Variants in SYN3 observed in about 807,000 individuals in gnomAD.
The protein encoded by SYN3 is synapsin III, also known as synapsin-3.
Under a neutral mutation model 65.8 loss-of-function variants are expected in SYN3, and 35 were observed. The ratio of observed to expected loss-of-function variants is 0.53; its 90% CI spans 0.41 to 0.70. SYN3 has a LOEUF of 0.70. Among genes scored for constraint, SYN3 ranks in the 30% least tolerant of loss-of-function variants. The pLI is 0.00. For synonymous variants in SYN3, 270 were observed against 292.9 expected (o/e 0.92, Z 0.80); for missense variants, 680 against 749.0 (o/e 0.91, Z 1.08).
intron 12 of SYN3, among the ~76,000 whole-genome samples, chr22:32,525,773 G>A (rs1352899025): frequency 2.0e-5 from 3 of 151,936 alleles, no homozygotes; most frequent in South Asian, 2.1e-4. Context: ...AGAATATTAC[G>A]TAAACTTAGT....
chr22:32,998,767 T>C (rs1410765756), intron 2 of SYN3, among the ~76,000 whole-genome samples: 1 of 40,536 alleles, frequency 2.5e-5, no homozygotes, highest in African/African-American at 1.3e-4. Context: ...GTACATTCTA[T>C]AGAAATAGTA....
chr22:32,829,528 C>T (rs955331218), intron 6 of SYN3, among the ~76,000 whole-genome samples: 1 of 152,262 alleles, frequency 6.6e-6, no homozygotes, highest in Non-Finnish European at 1.5e-5. Context: ...CCAGCATCCC[C>T]ACCGCAGCAG....
At chr22:32,849,359 G>C (rs973314520) in intron 6 of SYN3, 8 of 1,056,072 alleles carry the variant, frequency 7.6e-6, no homozygotes, top group Admixed American at 2.0e-5. Context: ...GCAATTCCAG[G>C]CTCCACAGAG....
chr22:32,537,058 C>G (rs2058177653), intron 9 of SYN3, among the ~76,000 whole-genome samples: 2 of 152,286 alleles, frequency 1.3e-5, no homozygotes, highest in East Asian at 3.9e-4. Flanking sequence ...CATGCTCTGT[C>G]CATTGCTATT....
intron 6 of SYN3, among the ~76,000 whole-genome samples, chr22:32,658,047 T>C (rs2060166353): frequency 6.6e-6 from 1 of 152,148 alleles, no homozygotes; most frequent in African/African-American, 2.4e-5. Flanking sequence ...TGTTAAAGCC[T>C]CTGGGATGGA....
At chr22:32,977,680 G>A (rs945934727) in intron 3 of SYN3, among the ~76,000 whole-genome samples, 7 of 149,828 alleles carry the variant, frequency 4.7e-5, no homozygotes, top group Non-Finnish European at 1.0e-4. Flanking sequence ...GGAGGCAGAG[G>A]TTGCAGTGAG....
At chr22:32,936,394 T>C (rs928395306) in intron 3 of SYN3, among the ~76,000 whole-genome samples, 3 of 152,180 alleles carry the variant, frequency 2.0e-5, no homozygotes, top group African/African-American at 7.2e-5. Flanking sequence ...TCAGTTTCAC[T>C]GAGTTAAGGA....
At position 32,560,063 on chromosome 22, in the gene SYN3, C is replaced by T. The variant is rs142833579; in HGVS notation, c.775-18350G>A. Among the ~76,000 whole-genome samples the T allele has an allele frequency of 8.4e-4, 128 of 152,360 alleles. 1 individual carries two copies. The highest frequency in any genetic ancestry group is 2.9e-3 in the African/African-American group (120 of 41,596). ...AGTAAACACACTGTGCCTGCAGCCCCTCCCAAGTGCTGGCAGGCCACTGCG... is the reference window on the plus strand; with the variant it reads ...AGTAAACACACTGTGCCTGCAGCCCTTCCCAAGTGCTGGCAGGCCACTGCG... On this transcript the variant is annotated intron_variant, in intron 7 of 13. Transcript: ENST00000358763.
chr22:32,641,463 C>T (rs2059898007), intron 6 of SYN3, among the ~76,000 whole-genome samples: 1 of 151,896 alleles, frequency 6.6e-6, no homozygotes, highest in African/African-American at 2.4e-5. Flanking sequence ...AAAAAATTAG[C>T]TGGGCGTGGT....
intron 6 of SYN3, among the ~76,000 whole-genome samples, chr22:32,644,578 C>G (rs117490594): frequency 0.024 from 3,729 of 152,262 alleles, 66 homozygotes; most frequent in Non-Finnish European, 0.033. Context: ...GATGGACTGA[C>G]GCTCGCACAT....
At chr22:32,810,887 T>G (rs2046898974) in intron 6 of SYN3, among the ~76,000 whole-genome samples, 1 of 152,178 alleles carries the variant, frequency 6.6e-6, no homozygotes, top group South Asian at 2.1e-4. Flanking sequence ...GCTCCCTGCC[T>G]TTTCGATTTG....
intron 1 of SYN3, among the ~76,000 whole-genome samples, chr22:33,007,346 A>G (rs1435537041): frequency 1.3e-5 from 2 of 152,224 alleles, no homozygotes; most frequent in African/African-American, 2.4e-5. Flanking sequence ...AACAGTGATT[A>G]TATTTTGGTA....
intron 6 of SYN3, among the ~76,000 whole-genome samples, chr22:32,844,386 A>C (rs2146212783): frequency 1.3e-5 from 2 of 152,344 alleles, no homozygotes. Context: ...ACTGTGGTCC[A>C]TACTGCTAGA....
chr22:32,550,819 A>AAAATGTAC (rs560831184), intron 7 of SYN3, among the ~76,000 whole-genome samples: 149 of 152,314 alleles, frequency 9.8e-4, no homozygotes, highest in Non-Finnish European at 1.7e-3. Flanking sequence ...GTTTGGGCAG[A>AAAATGTAC]AAATGTACAA....
intron 12 of SYN3, among the ~76,000 whole-genome samples, chr22:32,521,390 T>G (rs1290686809): frequency 6.6e-6 from 1 of 151,868 alleles, no homozygotes; most frequent in Non-Finnish European, 1.5e-5. Flanking sequence ...TTCTAGAGCT[T>G]CTGTGCTATC....
At chr22:32,974,515 C>T (rs1406866553) in intron 3 of SYN3, among the ~76,000 whole-genome samples, 2 of 152,224 alleles carry the variant, frequency 1.3e-5, no homozygotes, top group Non-Finnish European at 2.9e-5. Context: ...GTTCCTTAAA[C>T]GAATCCTCTT....
At chr22:32,721,970 G>T (rs901288730) in intron 6 of SYN3, among the ~76,000 whole-genome samples, 1 of 152,158 alleles carries the variant, frequency 6.6e-6, no homozygotes, top group Admixed American at 6.5e-5. Context: ...AGTGGCTGGT[G>T]CTACACAGTC....
At chr22:32,524,275 T>C (rs1000135561) in intron 12 of SYN3, among the ~76,000 whole-genome samples, 1 of 152,218 alleles carries the variant, frequency 6.6e-6, no homozygotes, top group African/African-American at 2.4e-5. Context: ...AGATACTATC[T>C]AGGGCTTTCA....
intron 7 of SYN3, among the ~76,000 whole-genome samples, chr22:32,544,083 C>G (rs1272711398): frequency 6.6e-6 from 1 of 152,158 alleles, no homozygotes; most frequent in Admixed American, 6.5e-5. Flanking sequence ...GGACTACAGG[C>G]GTGCACCACC....
Sources: gnomAD v4.1 joint callset for allele counts (sites outside exome capture counted in the v4.1 genomes callset) on GRCh38, gnomAD v4.1.1 for gene constraint, MANE v1.5 for transcripts, NCBI Gene and HGNC (gene_info 2026-07-23, HGNC 2026-07-21) for gene names.